LRP2: variants seen among roughly 807,000 people sequenced by gnomAD.
LRP2 encodes LDL receptor related protein 2.
A neutral mutation model predicts 531.0 loss-of-function variants in LRP2; 172 were observed. That is an observed-to-expected ratio of 0.32 (90% CI 0.29 to 0.37). The LOEUF (loss-of-function observed/expected upper bound fraction) is 0.37. LRP2 is among the 10% of genes least tolerant of loss of function. The pLI is 1.00. For synonymous variants in LRP2, 1,992 were observed against 2,027.6 expected (o/e 0.98, Z 0.47); for missense variants, 5,167 against 5,868.3 (o/e 0.88, Z 3.90).
chr2:169,188,206 G>C lies in LRP2; in HGVS notation c.9092C>G (p.Thr3031Ser), dbSNP rs1287902857. Residue 3031 changes from threonine to serine, a missense_variant, in exon 49 of 79, where the codon ACT becomes AGT. Around this residue, in one of 6 missense-constraint regions of LRP2, gnomAD observed 1,129 missense variants for 1,362.7 expected, o/e 0.83. Transcript: ENST00000649046. ...ACAGGTAAACTGATTCTGTTGGCAA[G>C]TCTGGTATAAGCAGCCCCTCTCGTC... Reference protein sequence around the residue: ...YSDERGCLYQTCQQNQFTCQN... With the variant: ...YSDERGCLYQSCQQNQFTCQN... 2.5e-6 allele frequency: 4 copies of C among 1,614,030 alleles called. No homozygotes were observed. The African/African-American group carries it at 4.0e-5, about 16-fold the overall frequency.
At chr2:169,198,632 C>T (rs77931698) in intron 45 of LRP2, among the ~76,000 whole-genome samples, 154 bp downstream of exon 45, 6 of 152,144 alleles carry the variant, frequency 3.9e-5, no homozygotes, top group Admixed American at 3.3e-4. Context: ...CCCCTGCAAT[C>T]ACATATGAAA....
chr2:169,298,125 G>T (rs138680217), intron 4 of LRP2, among the ~76,000 whole-genome samples: 1 of 152,020 alleles, frequency 6.6e-6, no homozygotes, highest in Non-Finnish European at 1.5e-5. Context: ...GTAATGATTT[G>T]CCAGAAAGAA....
At chr2:169,135,022 T>C (rs1238269762) in intron 76 of LRP2, among the ~76,000 whole-genome samples, 1 of 152,112 alleles carries the variant, frequency 6.6e-6, no homozygotes, top group Non-Finnish European at 1.5e-5. Flanking sequence ...CACCTATCAA[T>C]CTCTTCCCAC....
At chr2:169,155,726 G>T (rs563563655) in intron 65 of LRP2, among the ~76,000 whole-genome samples, 2 of 152,118 alleles carry the variant, frequency 1.3e-5, no homozygotes, top group Non-Finnish European at 2.9e-5. Flanking sequence ...AACCTAAAAC[G>T]TAAAACTCAT....
chr2:169,160,795 T>C (rs553531233), intron 63 of LRP2, among the ~76,000 whole-genome samples: 11 of 152,204 alleles, frequency 7.2e-5, no homozygotes, highest in Non-Finnish European at 1.0e-4. Flanking sequence ...GCCATTCAGT[T>C]TTGCAAATTC....
At chr2:169,307,438 C>G in intron 3 of LRP2, 41 bp from the exon 4 acceptor site, 1 of 1,131,354 alleles carries the variant, frequency 8.8e-7, no homozygotes, top group Non-Finnish European at 1.3e-6. Context: ...ATAATTATTG[C>G]TAGACACAGA....
intron 1 of LRP2, among the ~76,000 whole-genome samples, chr2:169,361,568 A>C (rs1156513443): frequency 6.6e-6 from 1 of 151,954 alleles, no homozygotes; most frequent in Admixed American, 6.6e-5. Context: ...GTTTCTGTTA[A>C]AACATAAACT....
chr2:169,294,003 G>T, intron 6 of LRP2, 145 bp downstream of exon 6: 2 of 713,282 alleles, frequency 2.8e-6, no homozygotes, highest in South Asian at 1.5e-5. Context: ...GTGACCGTCT[G>T]ATTCCATCTG....
At chr2:169,260,767 G>C (rs990028137) in intron 16 of LRP2, among the ~76,000 whole-genome samples, 18 of 151,818 alleles carry the variant, frequency 1.2e-4, no homozygotes, top group Admixed American at 1.1e-3. Context: ...TCAAAGGCAG[G>C]AAAGGTGTGA....
At chr2:169,310,157 T>C (rs1044585335) in intron 3 of LRP2, among the ~76,000 whole-genome samples, 3 of 152,230 alleles carry the variant, frequency 2.0e-5, no homozygotes, top group African/African-American at 7.2e-5. Flanking sequence ...TATACAATCA[T>C]GTCATCTGCA....
At position 169,204,240 on chromosome 2, in the gene LRP2, C is replaced by T. The variant is rs145201961; in HGVS notation, c.7747G>A (p.Val2583Met). The T allele has an allele frequency of 7.4e-4, 1,198 of 1,613,706 alleles. 1 individual carries two copies. The highest frequency in any genetic ancestry group is 1.4e-3 in the Admixed American group (82 of 60,010). Residue 2583 changes from valine (V) to methionine (M), a missense_variant, in exon 42 of 79, where the codon GTG (valine) becomes ATG (methionine). Physicochemically the swap from Val to Met is conservative, Grantham distance 21. This residue lies in a region of LRP2 where 1,129 missense variants were observed against 1,362.7 expected (regional missense o/e 0.83). Transcript: ENST00000649046. ...QRIERSTLTG[V>M]DREVIVNAAV... Reference sequence around the variant, plus strand: ...GCATTGACAATGACTTCACGATCCACGCCCGTCAGAGTGCTGCGTTCAATC... The same window carrying T: ...GCATTGACAATGACTTCACGATCCATGCCCGTCAGAGTGCTGCGTTCAATC...
At chr2:169,290,496 C>T (rs549751691) in intron 8 of LRP2, among the ~76,000 whole-genome samples, 1 of 152,130 alleles carries the variant, frequency 6.6e-6, no homozygotes, top group African/African-American at 2.4e-5. Flanking sequence ...CTGGGTTTGG[C>T]CAAGTGTCTT....
At chr2:169,182,721 T>TTTC in intron 50 of LRP2, 1 of 634,404 alleles carries the variant, frequency 1.6e-6, no homozygotes, top group Non-Finnish European at 2.0e-6. Context: ...TCTAAGTGTG[T>TTTC]CATTGAAACT....
intron 7 of LRP2, among the ~76,000 whole-genome samples, 189 bp from the exon 8 acceptor site, chr2:169,291,186 A>G (rs565629360): frequency 1.3e-5 from 2 of 152,332 alleles, no homozygotes; most frequent in East Asian, 3.9e-4. Flanking sequence ...GGAGAGGCAT[A>G]ATGGAATTAC....
At chr2:169,314,559 G>A (rs929472075) in intron 3 of LRP2, among the ~76,000 whole-genome samples, 1 of 152,124 alleles carries the variant, frequency 6.6e-6, no homozygotes, top group African/African-American at 2.4e-5. Context: ...CCTTCTCCAT[G>A]CTTAATTGAT....
chr2:169,210,902 C>CA (rs781041144), intron 37 of LRP2, among the ~76,000 whole-genome samples: 1 of 152,166 alleles, frequency 6.6e-6, no homozygotes, highest in Non-Finnish European at 1.5e-5. Context: ...CACACACACA[C>CA]ATACAAATTG....
intron 4 of LRP2, among the ~76,000 whole-genome samples, chr2:169,299,006 T>A (rs1421899395): frequency 6.7e-6 from 1 of 149,630 alleles, no homozygotes; most frequent in Non-Finnish European, 1.5e-5. Flanking sequence ...GAAGAAGCTT[T>A]CAATAAAAAG....
At chr2:169,301,896 T>C (rs1172525481) in intron 4 of LRP2, among the ~76,000 whole-genome samples, 2 of 152,088 alleles carry the variant, frequency 1.3e-5, no homozygotes, top group African/African-American at 4.8e-5. Flanking sequence ...GGCTACAAAC[T>C]ACAACATCAA....
chr2:169,278,010 T>G (rs1683600761), intron 12 of LRP2, 59 bp from the exon 13 acceptor site: 1 of 1,419,224 alleles, frequency 7.0e-7, no homozygotes, highest in African/African-American at 1.4e-5. Flanking sequence ...ACCTGGGAAT[T>G]TTTTTTAACA....
Sources: allele counts gnomAD v4.1 joint callset (sites outside exome capture counted in the v4.1 genomes callset), GRCh38; gene constraint gnomAD v4.1.1; regional missense constraint gnomAD v4.1.1; transcripts MANE v1.5; gene names NCBI Gene and HGNC (gene_info 2026-07-23, HGNC 2026-07-21).